NRG1: variants seen among roughly 807,000 people sequenced by gnomAD.
NRG1 encodes the protein neuregulin 1.
In NRG1, 18 loss-of-function variants were observed where a neutral mutation model predicts 63.8. That is an observed-to-expected ratio of 0.28 (90% CI 0.19 to 0.42). The LOEUF is 0.42. Among genes scored for constraint, NRG1 ranks in the 10% least tolerant of loss-of-function variants. NRG1 has a pLI of 1.00. For synonymous variants in NRG1, 302 were observed against 301.3 expected, an observed-to-expected ratio of 1.00 and a Z score of -0.02; for missense variants, 762 against 814.7, an observed-to-expected ratio of 0.94 and a Z score of 0.79.
At chr8:31,976,697 G>GTA (rs1423022884) in intron 1 of NRG1, among the ~76,000 whole-genome samples, 1 of 72,900 alleles carries the variant, frequency 1.4e-5, no homozygotes, top group East Asian at 2.5e-4. Context: ...GTGTGTGTGT[G>GTA]TATGTGTGTG....
intron 1 of NRG1, among the ~76,000 whole-genome samples, chr8:31,931,268 T>C (rs759813483): frequency 6.6e-6 from 1 of 152,066 alleles, no homozygotes; most frequent in Non-Finnish European, 1.5e-5. Flanking sequence ...TATACTTCTC[T>C]TTTGGTGGGA....
intron 1 of NRG1, among the ~76,000 whole-genome samples, chr8:32,175,459 A>G (rs1035289412): frequency 2.6e-5 from 4 of 152,182 alleles, no homozygotes; most frequent in African/African-American, 9.7e-5. Context: ...CCTATTCAAC[A>G]TAGTGTTGGA....
chr8:31,790,907 C>T (rs1162574632), intron 1 of NRG1, among the ~76,000 whole-genome samples: 1 of 152,086 alleles, frequency 6.6e-6, no homozygotes, highest in Non-Finnish European at 1.5e-5. Flanking sequence ...CTCTTTTTCT[C>T]TTGTAGAAAA....
intron 1 of NRG1, among the ~76,000 whole-genome samples, chr8:32,320,298 T>C (rs1156541730): frequency 1.3e-5 from 2 of 152,194 alleles, no homozygotes; most frequent in African/African-American, 4.8e-5. Flanking sequence ...TAGGAATTTT[T>C]TACTGCCTTC....
chr8:32,145,198 G>A (rs1463754416), intron 1 of NRG1, among the ~76,000 whole-genome samples: 2 of 152,156 alleles, frequency 1.3e-5, no homozygotes, highest in Non-Finnish European at 2.9e-5. Context: ...CCAGAAAGGT[G>A]CAAAGAGAGA....
At chr8:31,682,537 GT>G (rs1563288242) in intron 1 of NRG1, among the ~76,000 whole-genome samples, 1 of 152,082 alleles carries the variant, frequency 6.6e-6, no homozygotes. Flanking sequence ...ATATTGTACT[GT>G]AATTAGGTAA....
chr8:32,107,236 G>A (rs2346770), intron 1 of NRG1, among the ~76,000 whole-genome samples: 138,541 of 152,184 alleles, frequency 0.91, 63,649 homozygotes, highest in Non-Finnish European at 0.98. Flanking sequence ...AAAAAATTCT[G>A]AAATTTATCG....
intron 5 of NRG1, among the ~76,000 whole-genome samples, chr8:32,661,415 G>T (rs182128556): frequency 6.6e-6 from 1 of 152,250 alleles, no homozygotes; most frequent in East Asian, 1.9e-4. Context: ...CAGTGATTTG[G>T]AAGTATCTCA....
At chr8:31,738,182 G>A (rs796995887) in intron 1 of NRG1, among the ~76,000 whole-genome samples, 9 of 152,028 alleles carry the variant, frequency 5.9e-5, no homozygotes, top group African/African-American at 9.7e-5. Context: ...TCCTCATAGC[G>A]GCCACGGAGA....
At chr8:32,174,314 T>C (rs1270278339) in intron 1 of NRG1, among the ~76,000 whole-genome samples, 1 of 151,872 alleles carries the variant, frequency 6.6e-6, no homozygotes. Flanking sequence ...TACCAGAATC[T>C]CTGGGACACA....
At chr8:31,917,618 A>G (rs1833516341) in intron 1 of NRG1, among the ~76,000 whole-genome samples, 1 of 152,128 alleles carries the variant, frequency 6.6e-6, no homozygotes, top group Non-Finnish European at 1.5e-5. Flanking sequence ...GCCTTGTAGT[A>G]TAGTTGGAAG....
chr8:31,701,775 A>G (rs1810656819), intron 1 of NRG1, among the ~76,000 whole-genome samples: 1 of 152,184 alleles, frequency 6.6e-6, no homozygotes, highest in African/African-American at 2.4e-5. Context: ...AAAAATCAAT[A>G]CAAAACAACC....
intron 1 of NRG1, among the ~76,000 whole-genome samples, chr8:32,568,697 A>G (rs1837936189): frequency 6.6e-6 from 1 of 152,192 alleles, no homozygotes; most frequent in Non-Finnish European, 1.5e-5. Context: ...AATGTTCGCC[A>G]AAGTTTTAGG....
intron 1 of NRG1, among the ~76,000 whole-genome samples, chr8:32,557,172 AT>A (rs1193004821): frequency 3.3e-5 from 5 of 151,756 alleles, no homozygotes; most frequent in East Asian, 3.9e-4. Flanking sequence ...CACCCAGCTA[AT>A]TTTTTTCGTA....
intron 1 of NRG1, among the ~76,000 whole-genome samples, chr8:32,147,457 T>G (rs138591788): frequency 6.6e-6 from 1 of 152,352 alleles, no homozygotes; most frequent in East Asian, 1.9e-4. Context: ...GGTGTATTGA[T>G]TGCCCTGGGC....
At chr8:31,980,952 G>T (rs1377004276) in intron 1 of NRG1, among the ~76,000 whole-genome samples, 1 of 151,846 alleles carries the variant, frequency 6.6e-6, no homozygotes, top group Non-Finnish European at 1.5e-5. Context: ...TGACTGAAAA[G>T]GGATTATTAA....
At chr8:32,632,971 C>T (rs1184426334) in intron 5 of NRG1, among the ~76,000 whole-genome samples, 1 of 151,964 alleles carries the variant, frequency 6.6e-6, no homozygotes, top group African/African-American at 2.4e-5. Flanking sequence ...ATTAATTAAC[C>T]CAGGGTCTAT....
At chr8:32,340,565 A>T (rs558575659) in intron 1 of NRG1, among the ~76,000 whole-genome samples, 1 of 152,328 alleles carries the variant, frequency 6.6e-6, no homozygotes, top group Non-Finnish European at 1.5e-5. Flanking sequence ...ATTTATACAT[A>T]CCATATAAGT....
At chr8:32,562,033 G>C (rs1836502826) in intron 1 of NRG1, among the ~76,000 whole-genome samples, 2 of 152,274 alleles carry the variant, frequency 1.3e-5, no homozygotes, top group South Asian at 4.1e-4. Flanking sequence ...ACCCATTTAT[G>C]GGAAGAATGC....
Sources: allele counts gnomAD v4.1 joint callset (sites outside exome capture counted in the v4.1 genomes callset), GRCh38; gene constraint gnomAD v4.1.1; transcripts MANE v1.5; gene names NCBI Gene and HGNC (gene_info 2026-07-23, HGNC 2026-07-21).